NCK2: variants seen among roughly 807,000 people sequenced by gnomAD.
The protein encoded by NCK2 is NCK adaptor protein 2, also known as cytoplasmic protein NCK2.
A neutral mutation model predicts 33.9 loss-of-function variants in NCK2; 16 were observed. That is an observed-to-expected ratio of 0.47 (90% confidence interval 0.32 to 0.72). The LOEUF is 0.72. NCK2 is among the 30% of genes least tolerant of loss of function. The probability of loss-of-function intolerance (pLI) is 0.03; values close to 1 mark genes in which losing one functional copy is unlikely to be tolerated. For missense variants in NCK2, 418 were observed against 537.3 expected (o/e 0.78, Z 2.19); for synonymous variants, 273 against 239.9 (o/e 1.14, Z -1.27).
intron 1 of NCK2, among the ~76,000 whole-genome samples, chr2:105,774,523 C>A (rs1690241664): frequency 6.6e-6 from 1 of 152,044 alleles, no homozygotes; most frequent in Admixed American, 6.6e-5. Flanking sequence ...GTGTGTTGAG[C>A]CCCTGGAACA....
At chr2:105,824,181 T>C (rs1675857129) in intron 2 of NCK2, among the ~76,000 whole-genome samples, 1 of 152,100 alleles carries the variant, frequency 6.6e-6, no homozygotes, top group Non-Finnish European at 1.5e-5. Context: ...CATGTGTGAG[T>C]GCCCCCTCCC....
At chr2:105,883,357 A>G (rs974942225) in intron 4 of NCK2, among the ~76,000 whole-genome samples, 4 of 152,184 alleles carry the variant, frequency 2.6e-5, no homozygotes, top group Admixed American at 2.0e-4. Context: ...ACTTAGAGAA[A>G]GCGCTGGAAA....
chr2:105,755,160 A>T (rs913158032), intron 1 of NCK2, among the ~76,000 whole-genome samples: 3 of 152,184 alleles, frequency 2.0e-5, no homozygotes, highest in African/African-American at 7.2e-5. Context: ...CCCTTAAATT[A>T]AGCCATCTGT....
At chr2:105,760,021 G>A (rs938804690) in intron 1 of NCK2, among the ~76,000 whole-genome samples, 8 of 152,086 alleles carry the variant, frequency 5.3e-5, no homozygotes, top group Non-Finnish European at 1.2e-4. Context: ...GGACTCCACT[G>A]TCAAGTGACT....
intron 1 of NCK2, among the ~76,000 whole-genome samples, chr2:105,782,813 C>T (rs1438736234): frequency 6.6e-6 from 1 of 152,210 alleles, no homozygotes; most frequent in Non-Finnish European, 1.5e-5. Flanking sequence ...GCAGCCACAG[C>T]ACCTGCCTCT....
chr2:105,889,581 T>A (rs1330975122), intron 4 of NCK2, among the ~76,000 whole-genome samples: 3 of 151,402 alleles, frequency 2.0e-5, no homozygotes, highest in African/African-American at 7.3e-5. Flanking sequence ...CTTTTTTTTT[T>A]TTTTTTTTTT....
chr2:105,789,907 A>G (rs1690817079), intron 1 of NCK2, among the ~76,000 whole-genome samples: 1 of 152,206 alleles, frequency 6.6e-6, no homozygotes, highest in Non-Finnish European at 1.5e-5. Flanking sequence ...CAGGTTGGAT[A>G]TGAGTGGTCG....
intron 1 of NCK2, among the ~76,000 whole-genome samples, chr2:105,747,367 C>G (rs780244038): frequency 4.6e-5 from 7 of 152,144 alleles, no homozygotes; most frequent in Non-Finnish European, 8.8e-5. Context: ...CCTAAGACTC[C>G]CGGAATGGCG....
rs539615898 is a variant in NCK2, at chr2:105,804,939, A to G, written c.-200-11491A>G. Among the ~76,000 whole-genome samples, 5 of 152,320 alleles carry G rather than the reference A, an allele frequency of 3.3e-5. No individual in the cohort carries two copies. The South Asian group carries it at 1.0e-3, about 32-fold the overall frequency. ...CACTAACTGCTGCAGGGTACTGGAT[A>G]GTCACAGCTGATCTTATAGATGGAA... On this transcript the variant is annotated intron_variant, in intron 1 of 4. Transcript: ENST00000233154.
intron 1 of NCK2, among the ~76,000 whole-genome samples, chr2:105,777,195 C>A (rs10178272): frequency 0.02 from 2,999 of 152,200 alleles, 100 homozygotes; most frequent in African/African-American, 0.068. Context: ...ACCTTCTACT[C>A]TCGTCACTGC....
Position 105,766,376 on chromosome 2 carries a change from T to C in NCK2, c.-201+21238T>C, listed in dbSNP as rs917830280. Among the ~76,000 whole-genome samples the C allele has an allele frequency of 6.8e-4, 103 of 152,284 alleles. 1 individual carries two copies. The highest frequency in any genetic ancestry group is 2.5e-3 in the African/African-American group (102 of 41,552). Reference sequence around the variant, plus strand: ...CCTTGCTCTGTTGCCCAGGCTGGAGTGCAGTGCCGCCATCATGGCTCACTG... The same window carrying C: ...CCTTGCTCTGTTGCCCAGGCTGGAGCGCAGTGCCGCCATCATGGCTCACTG... On this transcript the variant is annotated intron_variant, in intron 1 of 4. Transcript: ENST00000233154.
At chr2:105,852,566 A>C (rs1677109308) in intron 2 of NCK2, among the ~76,000 whole-genome samples, 1 of 152,196 alleles carries the variant, frequency 6.6e-6, no homozygotes, top group Admixed American at 6.5e-5. Flanking sequence ...ACTACCCTTC[A>C]TGCAGTAGGA....
intron 1 of NCK2, among the ~76,000 whole-genome samples, chr2:105,791,736 C>T (rs941775911): frequency 3.3e-5 from 5 of 152,152 alleles, no homozygotes; most frequent in Non-Finnish European, 7.3e-5. Flanking sequence ...CTTCGTAGAG[C>T]TTGTGAGTTT....
At chr2:105,840,720 C>T (rs1285901080) in intron 2 of NCK2, among the ~76,000 whole-genome samples, 1 of 152,208 alleles carries the variant, frequency 6.6e-6, no homozygotes, top group Non-Finnish European at 1.5e-5. Flanking sequence ...GAGCAGCACA[C>T]AGAACTCAGG....
intron 2 of NCK2, among the ~76,000 whole-genome samples, chr2:105,835,408 T>TATATATACATATATATACAC (rs1553458610): frequency 2.4e-5 from 1 of 41,270 alleles, no homozygotes; most frequent in Non-Finnish European, 6.8e-5. Flanking sequence ...TATATATACG[T>TATATATACATATATATACAC]GTATATATAT....
chr2:105,836,541 T>C (rs1019942500), intron 2 of NCK2, among the ~76,000 whole-genome samples: 3 of 152,144 alleles, frequency 2.0e-5, no homozygotes, highest in African/African-American at 7.2e-5. Flanking sequence ...GCAAAGTTGT[T>C]GGTGGAGGTA....
intron 3 of NCK2, among the ~76,000 whole-genome samples, chr2:105,862,525 A>G (rs572493127): frequency 5.9e-5 from 9 of 152,296 alleles, no homozygotes; most frequent in African/African-American, 2.2e-4. Flanking sequence ...CAAATTGACT[A>G]TCTGGATTTA....
intron 2 of NCK2, among the ~76,000 whole-genome samples, chr2:105,822,052 G>C (rs1184785374): frequency 6.6e-6 from 1 of 151,970 alleles, no homozygotes; most frequent in African/African-American, 2.4e-5. Flanking sequence ...CTAGGTGGCA[G>C]AGCAGGCTGG....
In NCK2 at chr2:105,776,970, G is replaced by A. The variant is rs375753068; in HGVS notation, c.-201+31832G>A. On this transcript the variant is annotated intron_variant, in intron 1 of 4. Transcript: ENST00000233154. ...AATCTAGTATGGGGAGTGGCTTCAC[G>A]AGAGTGTGAAGGGCTGGACAGCCAA... is the stretch of plus-strand genomic sequence containing the variant. Among the ~76,000 whole-genome samples, 12 of 151,514 alleles carry A rather than the reference G, an allele frequency of 7.9e-5. No individual in the cohort carries two copies. In the East Asian group the frequency reaches 1.7e-3, roughly 22 times the overall value.
Sources: gnomAD v4.1 joint callset for allele counts (sites outside exome capture counted in the v4.1 genomes callset) on GRCh38, gnomAD v4.1.1 for gene constraint, MANE v1.5 for transcripts, NCBI Gene and HGNC (gene_info 2026-07-23, HGNC 2026-07-21) for gene names.